The following DOT1L variants were observed in gnomAD, a reference collection of about 807,000 sequenced individuals.
DOT1L encodes the protein DOT1 like histone lysine methyltransferase.
In DOT1L, 33 loss-of-function variants were observed where a neutral mutation model predicts 153.3. The ratio of observed to expected loss-of-function variants is 0.22; its 90% CI spans 0.16 to 0.29. The LOEUF is 0.29. Ranked by LOEUF, DOT1L falls within the 10% of genes least tolerant of loss-of-function variation. The pLI is 1.00. For missense variants in DOT1L, 1,847 were observed against 2,119.9 expected, an observed-to-expected ratio of 0.87 and a Z score of 2.53; for synonymous variants, 1,135 against 965.1, an observed-to-expected ratio of 1.18 and a Z score of -3.26.
rs1405602672 is a variant in DOT1L, at chr19:2,207,915, T to C, written c.963+235T>C. On this transcript the variant is annotated intron_variant, in intron 11 of 27. Transcript: ENST00000398665. This position sits in a 1 kb window ranked among gnomAD's most constrained non-coding sequence, Gnocchi z 4.5. ...CGTGTCCTGGGTGAGGGCTGAGTGC[T>C]GTCTCCCCTAGTCTACGCTCAGCTC... 6.6e-6 allele frequency among the ~76,000 whole-genome samples: 1 copy of C among 152,006 alleles called. No homozygotes were observed. The highest frequency in any genetic ancestry group is 1.9e-4 in the East Asian group (1 of 5,156).
Position 2,226,433 on chromosome 19 carries a change from C to G in DOT1L, c.3912C>G (p.Asp1304Glu), listed in dbSNP as rs779557072. 3 of 1,600,786 alleles carry G rather than the reference C, an allele frequency of 1.9e-6. No homozygotes were observed. The African/African-American group carries it at 4.0e-5, about 21-fold the overall frequency. Residue 1304 changes from aspartate to glutamate, a missense_variant, in exon 27 of 28, where the codon GAC becomes GAG. This residue lies in a region of DOT1L where 934 missense variants were observed against 825.3 expected (regional missense o/e 1.13). Coordinates refer to ENST00000398665, the MANE Select transcript of DOT1L (RefSeq NM_032482.3). The stretch of plus-strand genomic sequence containing the variant: ...TTCCCGGCTCCCTGTCGGGGGCTGA[C>G]GGACTCAGCCCGGGCACCAACCCTG... ...KGFPGSLSGA[D>E]GLSPGTNPAN...
chr19:2,229,465 T>G, intron 27 of DOT1L: 1 of 985,468 alleles, frequency 1.0e-6, no homozygotes, highest in Non-Finnish European at 1.2e-6. Flanking sequence ...TGCGGGCACC[T>G]GCGGGCTGGA....
intron 27 of DOT1L, chr19:2,228,197 G>A (rs762592983): frequency 2.9e-6 from 4 of 1,364,732 alleles, no homozygotes; most frequent in Non-Finnish European, 3.9e-6. Context: ...CCTCCTTCAC[G>A]GTGCACCACC....
chr19:2,215,366 T>G (rs987272668), intron 19 of DOT1L: 24 of 152,136 alleles, frequency 1.6e-4, no homozygotes, highest in African/African-American at 5.8e-4. Context: ...GGTGCTCTCC[T>G]CCCTGCTCCC....
chr19:2,227,829 C>G (rs752856407), intron 27 of DOT1L: 1 of 1,294,950 alleles, frequency 7.7e-7, no homozygotes, highest in East Asian at 5.7e-5. Flanking sequence ...CACACTGGGC[C>G]CGAGCCCGCT....
intron 1 of DOT1L, among the ~76,000 whole-genome samples, chr19:2,168,547 G>A (rs2020012917): frequency 6.6e-6 from 1 of 152,156 alleles, no homozygotes; most frequent in South Asian, 2.1e-4. Flanking sequence ...GCAAGGGGGA[G>A]GAAGGGAGAT....
At chr19:2,194,390 C>T (rs956904404) in intron 6 of DOT1L, 125 bp from the exon 7 acceptor site, 5 of 990,382 alleles carry the variant, frequency 5.0e-6, no homozygotes, top group African/African-American at 1.6e-5. Context: ...CCAGGATGGT[C>T]GCAATCTCCT....
Position 2,214,510 on chromosome 19 carries a change from A to G in DOT1L, c.1837A>G (p.Thr613Ala), listed in dbSNP as rs948388950. The stretch of plus-strand genomic sequence containing the variant: ...CGAGGAGCTGCAGCTGGACTGGGCC[A>G]CGCTGTCGCTGGAGAAGCTGTTGAA... ...RCEELQLDWATLSLEKLLKEK... is the reference protein window; with the variant it reads ...RCEELQLDWAALSLEKLLKEK... The change falls in exon 19 of 28, where the codon ACG becomes GCG. Residue 613 changes from threonine to alanine, a missense_variant. Physicochemically the swap from Thr to Ala is moderately conservative, Grantham distance 58. Coordinates refer to ENST00000398665, the MANE Select transcript of DOT1L (RefSeq NM_032482.3). The G allele has an allele frequency of 1.2e-6, 2 of 1,613,038 alleles. No homozygotes were observed. The highest frequency in any genetic ancestry group is 1.3e-5 in the African/African-American group (1 of 74,938).
In DOT1L at chr19:2,232,437, G is replaced by A. The variant is rs774655849; in HGVS notation, c.*2645G>A. The A allele has an allele frequency of 1.8e-5, 4 of 219,330 alleles. No homozygotes were observed. The highest frequency in any genetic ancestry group is 1.2e-4 in the Admixed American group (2 of 17,242). 13.6% of individuals were successfully genotyped at this position (219,330 alleles called of 1,614,324 possible). A position where few individuals can be genotyped will look rare whatever the true frequency, so the allele number is the denominator to read the frequency against. ...CCTTTGTAACGTGGGAGGCTCTGCCGTGTCTTCCGGGTGAACTGTATTTGG... is the reference window on the plus strand; with the variant it reads ...CCTTTGTAACGTGGGAGGCTCTGCCATGTCTTCCGGGTGAACTGTATTTGG... On this transcript the variant is annotated 3_prime_UTR_variant, in exon 28 of 28. Coordinates refer to ENST00000398665, the MANE Select transcript of DOT1L (RefSeq NM_032482.3).
intron 1 of DOT1L, among the ~76,000 whole-genome samples, chr19:2,177,496 A>T (rs1047010696): frequency 7.9e-5 from 12 of 152,086 alleles, no homozygotes; most frequent in Non-Finnish European, 1.8e-4. Context: ...AACAATTTTT[A>T]TATTATTAGT....
At chr19:2,228,000 C>G (rs1282656159) in intron 27 of DOT1L, 1 of 1,291,178 alleles carries the variant, frequency 7.7e-7, no homozygotes, top group African/African-American at 1.5e-5. Flanking sequence ...CCCCCCTCCA[C>G]CTAACGCCGC....
At position 2,211,981 on chromosome 19, in the gene DOT1L, A is replaced by T. The variant is rs2023731137; in HGVS notation, c.1557+139A>T. The T allele has an allele frequency of 8.2e-6, 6 of 732,682 alleles. No individual in the cohort carries two copies. In the South Asian group the frequency reaches 1.2e-4, roughly 14 times the overall value. 45.4% of individuals were successfully genotyped at this position (732,682 alleles called of 1,614,324 possible). A position where few individuals can be genotyped will look rare whatever the true frequency, so the allele number is the denominator to read the frequency against. ...CCTCCTCTGCTCACCTGCTGCGAGA[A>T]ACAAACCTACCCGTTTAAACCCAAA... On this transcript the variant is annotated intron_variant, in intron 16 of 27. Transcript: ENST00000398665.
rs371497330 is a variant in DOT1L at position 2,194,626 on chromosome 19, C to T, written c.651+49C>T. On this transcript the variant is annotated intron_variant, in intron 7 of 27. Coordinates refer to ENST00000398665, the MANE Select transcript of DOT1L (RefSeq NM_032482.3). ...GCTCCCATCGCCGGCCCCACCCCCG[C>T]TCCCACCCTCCTGTCAGCCCCTCCT... is the stretch of plus-strand genomic sequence containing the variant. The T allele has an allele frequency of 9.4e-5, 147 of 1,569,014 alleles. 2 individuals carry two copies. In the African/African-American group the frequency reaches 1.7e-3, roughly 18 times the overall value.
At chr19:2,224,174 CTCCGTGCT>C (rs1483433126) in intron 25 of DOT1L, among the ~76,000 whole-genome samples, 5 of 152,240 alleles carry the variant, frequency 3.3e-5, no homozygotes, top group African/African-American at 1.2e-4. Context: ...TCCATCCGCC[CTCCGTGCT>C]AGGCTTGCTT....
At chr19:2,227,149 C>A in intron 27 of DOT1L, 22 bp downstream of exon 27, 2 of 1,553,578 alleles carry the variant, frequency 1.3e-6, no homozygotes, top group Admixed American at 1.9e-5. Context: ...GGCCGTCCGT[C>A]CGCCCCCCGC....
At chr19:2,165,095 G>C (rs1210010620) in intron 1 of DOT1L, among the ~76,000 whole-genome samples, 1 of 152,228 alleles carries the variant, frequency 6.6e-6, no homozygotes, top group African/African-American at 2.4e-5. Context: ...GCGAGTCCCG[G>C]CGTGGCCCCT....
At chr19:2,203,979 G>A (rs1165138391) in intron 9 of DOT1L, among the ~76,000 whole-genome samples, 3 of 152,264 alleles carry the variant, frequency 2.0e-5, no homozygotes, top group Non-Finnish European at 2.9e-5. Flanking sequence ...GGCCTCCAGA[G>A]GCTAGGGGAG....
rs1217284647 is a variant in DOT1L, at chr19:2,208,658, A to G, written c.964-277A>G. The stretch of plus-strand genomic sequence containing the variant: ...AGAAAGCCCTCCCTCTTCCAGAAGC[A>G]GAGACACATCCCAGGGCCCTGTGTC... On this transcript the variant is annotated intron_variant, in intron 11 of 27. Transcript: ENST00000398665. The surrounding 1 kb of genome is among the most constrained non-coding windows in gnomAD (Gnocchi z 4.4). 6.6e-6 allele frequency among the ~76,000 whole-genome samples: 1 copy of G among 152,160 alleles called. No individual in the cohort carries two copies. Among genetic ancestry groups the G allele is most frequent in the Non-Finnish European group, 1.5e-5 (1 of 68,024 alleles).
chr19:2,199,625 C>T (rs2023161700), intron 7 of DOT1L, among the ~76,000 whole-genome samples: 3 of 152,176 alleles, frequency 2.0e-5, no homozygotes, highest in Admixed American at 6.5e-5. Flanking sequence ...CTTGGCTGGG[C>T]CTGGCCTCCC....
Sources: allele counts gnomAD v4.1 joint callset (sites outside exome capture counted in the v4.1 genomes callset), GRCh38; gene constraint gnomAD v4.1.1; regional missense constraint gnomAD v4.1.1; non-coding constraint Gnocchi (gnomAD v3.1); transcripts MANE v1.5; gene names NCBI Gene and HGNC (gene_info 2026-07-23, HGNC 2026-07-21).